NHEJ1: variants seen among roughly 807,000 people sequenced by gnomAD.
NHEJ1 encodes non-homologous end joining factor 1.
NHEJ1 carries 22 observed loss-of-function variants against 39.4 expected under a neutral mutation model. The observed-to-expected ratio is 0.56, with a 90% CI of 0.40 to 0.80. The LOEUF (loss-of-function observed/expected upper bound fraction) is 0.80, where lower values mean the gene tolerates loss of function less well. NHEJ1 is among the 30% of genes least tolerant of loss of function. The pLI, the probability that NHEJ1 is intolerant of heterozygous loss-of-function variation, is 0.00. For missense variants in NHEJ1, 329 were observed against 357.1 expected (o/e 0.92, Z 0.63); for synonymous variants, 154 against 135.6 (o/e 1.14, Z -0.94).
chr2:219,098,003 C>T (rs1015488785), intron 5 of NHEJ1, among the ~76,000 whole-genome samples: 3 of 152,132 alleles, frequency 2.0e-5, no homozygotes, highest in African/African-American at 7.2e-5. Flanking sequence ...AAGTGTATTG[C>T]TCTGGAAACC....
chr2:219,077,589 G>T (rs772328055), intron 6 of NHEJ1, among the ~76,000 whole-genome samples: 2 of 151,998 alleles, frequency 1.3e-5, no homozygotes, highest in African/African-American at 4.8e-5. Context: ...GAGTTTCCTC[G>T]ACTCAAAACA....
chr2:219,080,951 A>G (rs959908846), intron 5 of NHEJ1, among the ~76,000 whole-genome samples: 2 of 152,054 alleles, frequency 1.3e-5, no homozygotes, highest in African/African-American at 4.8e-5. Context: ...GCCCACACAT[A>G]TAATTACTAT....
chr2:219,146,893 A>G (rs993176549), intron 4 of NHEJ1, among the ~76,000 whole-genome samples, 155 bp from the exon 5 acceptor site: 17 of 152,312 alleles, frequency 1.1e-4, no homozygotes, highest in African/African-American at 4.1e-4. Context: ...GGCTGAGAGC[A>G]TGTGGGCAAA....
intron 5 of NHEJ1, among the ~76,000 whole-genome samples, chr2:219,131,968 G>A (rs565493744): frequency 1.3e-5 from 2 of 152,372 alleles, no homozygotes; most frequent in South Asian, 4.1e-4. Flanking sequence ...GAAGGTCAGA[G>A]TCCTGGGCTC....
rs564670924 is a variant in NHEJ1, at chr2:219,158,918, T to C, written c.1-556A>G. On this transcript the variant is annotated intron_variant, in intron 1 of 7. Transcript: ENST00000356853. ...AAACAGGTTCTTAATCTAGAGTCAA[T>C]GCATGTGAATCCTCTAGAATTATAT... 8 of 177,074 alleles carry C rather than the reference T, an allele frequency of 4.5e-5. No individual in the cohort carries two copies. In the South Asian group the frequency reaches 8.5e-4, roughly 19 times the overall value. The allele number at this position is 177,074 out of a possible 1,614,324, so 11.0% of individuals were successfully genotyped here. A position where few individuals can be genotyped will look rare whatever the true frequency, so the allele number is the denominator to read the frequency against.
At chr2:219,131,006 C>T (rs1301078011) in intron 5 of NHEJ1, among the ~76,000 whole-genome samples, 1 of 152,100 alleles carries the variant, frequency 6.6e-6, no homozygotes, top group Non-Finnish European at 1.5e-5. Context: ...GTGGGAGGAT[C>T]ACTTGAGCCT....
intron 6 of NHEJ1, 25 bp from the exon 7 acceptor site, chr2:219,077,389 G>T (rs769498223): frequency 6.5e-7 from 1 of 1,540,532 alleles, no homozygotes; most frequent in East Asian, 2.2e-5. Context: ...ATCAAGAGAA[G>T]ATAGTGATAA....
Position 219,157,649 on chromosome 2 carries a change from A to G in NHEJ1, c.213T>C (p.Ala71=). 2 of 1,614,166 alleles carry G rather than the reference A, an allele frequency of 1.2e-6. No homozygotes were observed. The highest frequency in any genetic ancestry group is 1.7e-6 in the Non-Finnish European group (2 of 1,180,024). ...GGAGATTATCCAAATGACAGAGGAA[A>G]GCTGCAGGAGGAGCAGTGAGCCGCT... ...LNKRLTAPPA[A]FLCHLDNLLR... The change falls in exon 3 of 8, where the codon GCT becomes GCC. Residue 71 remains alanine, a synonymous_variant. Transcript: ENST00000356853.
intron 5 of NHEJ1, among the ~76,000 whole-genome samples, chr2:219,144,987 G>T (rs1407294042): frequency 4.6e-5 from 7 of 152,106 alleles, no homozygotes; most frequent in Non-Finnish European, 8.8e-5. Flanking sequence ...GGTCAAGGAG[G>T]GTGGATCACT....
chr2:219,078,044 C>G, intron 6 of NHEJ1, 45 bp downstream of exon 6: 1 of 1,312,042 alleles, frequency 7.6e-7, no homozygotes, highest in Non-Finnish European at 1.1e-6. Context: ...AAACCTAGAT[C>G]CTAATTGTAT....
chr2:219,120,149 C>A (rs1192985477), intron 5 of NHEJ1, among the ~76,000 whole-genome samples: 1 of 152,180 alleles, frequency 6.6e-6, no homozygotes, highest in African/African-American at 2.4e-5. Context: ...TCACTCTGGG[C>A]AAACATTCTA....
intron 5 of NHEJ1, among the ~76,000 whole-genome samples, chr2:219,093,383 G>A (rs1327583936): frequency 6.6e-6 from 1 of 152,200 alleles, no homozygotes; most frequent in Admixed American, 6.5e-5. Context: ...AGGAGGCAAG[G>A]ACAAGAGGGA....
chr2:219,152,477 T>A (rs1205974717), intron 3 of NHEJ1, among the ~76,000 whole-genome samples: 1 of 152,054 alleles, frequency 6.6e-6, no homozygotes, highest in East Asian at 1.9e-4. Flanking sequence ...AAGATCAAGA[T>A]GAATCATATC....
intron 5 of NHEJ1, among the ~76,000 whole-genome samples, chr2:219,120,521 G>GT (rs1949461527): frequency 6.6e-6 from 1 of 152,140 alleles, no homozygotes. Context: ...TTCTGGCTAT[G>GT]TTTTTTCCCT....
Position 219,157,497 on chromosome 2 carries a change from T to G in NHEJ1, c.365A>C (p.His122Pro). ...CAGGGAAGGACTAGCTAGCATGCAGTGGAAATTCCAATAGAAGGGGAGGCC... is the reference window on the plus strand; with the variant it reads ...CAGGGAAGGACTAGCTAGCATGCAGGGGAAATTCCAATAGAAGGGGAGGCC... ...LSGLPFYWNFHCMLASPSLVS... is the reference protein window; with the variant it reads ...LSGLPFYWNFPCMLASPSLVS... Residue 122 changes from histidine (H) to proline (P), a missense_variant, in exon 3 of 8, where the codon CAC becomes CCC. Transcript: ENST00000356853. 1 of 1,613,946 alleles carries G rather than the reference T, an allele frequency of 6.2e-7. No individual in the cohort carries two copies. Among genetic ancestry groups the G allele is most frequent in the Non-Finnish European group, 8.5e-7 (1 of 1,180,014 alleles).
At chr2:219,123,190 T>C (rs1049438467) in intron 5 of NHEJ1, among the ~76,000 whole-genome samples, 1 of 152,140 alleles carries the variant, frequency 6.6e-6, no homozygotes, top group Non-Finnish European at 1.5e-5. Flanking sequence ...TCAGATCACA[T>C]AGGACAAAAA....
intron 5 of NHEJ1, among the ~76,000 whole-genome samples, chr2:219,108,578 A>G (rs915429237): frequency 3.9e-5 from 6 of 152,194 alleles, no homozygotes; most frequent in Non-Finnish European, 7.3e-5. Context: ...AAACTTCTAA[A>G]AATTCTTTTC....
chr2:219,157,763 C>A, intron 2 of NHEJ1, 79 bp from the exon 3 acceptor site: 1 of 1,170,102 alleles, frequency 8.5e-7, no homozygotes, highest in Non-Finnish European at 1.3e-6. Flanking sequence ...AAGGAAAGCC[C>A]TGGTTAACAC....
At chr2:219,100,715 G>A (rs1188551543) in intron 5 of NHEJ1, among the ~76,000 whole-genome samples, 1 of 151,966 alleles carries the variant, frequency 6.6e-6, no homozygotes, top group Non-Finnish European at 1.5e-5. Context: ...ATTCCCACAG[G>A]GACCAAGAAT....
Sources: gnomAD v4.1 joint callset for allele counts (sites outside exome capture counted in the v4.1 genomes callset) on GRCh38, gnomAD v4.1.1 for gene constraint, MANE v1.5 for transcripts, NCBI Gene and HGNC (gene_info 2026-07-23, HGNC 2026-07-21) for gene names.